The following CNTNAP5 variants were observed in gnomAD, a reference collection of about 807,000 sequenced individuals.
The protein encoded by CNTNAP5 is contactin-associated protein-like 5.
CNTNAP5 carries 72 observed loss-of-function variants against 150.2 expected under a neutral mutation model. The ratio of observed to expected loss-of-function variants is 0.48; its 90% CI spans 0.40 to 0.58. CNTNAP5 has a LOEUF of 0.58. Among genes scored for constraint, CNTNAP5 ranks in the 20% least tolerant of loss-of-function variants. CNTNAP5 has a pLI of 0.00. For synonymous variants in CNTNAP5, 672 were observed against 619.8 expected, an observed-to-expected ratio of 1.08 and a Z score of -1.25; for missense variants, 1,636 against 1,626.2, an observed-to-expected ratio of 1.01 and a Z score of -0.10.
intron 1 of CNTNAP5, among the ~76,000 whole-genome samples, chr2:124,067,935 G>A (rs73952585): frequency 0.018 from 2,676 of 152,102 alleles, 89 homozygotes; most frequent in African/African-American, 0.061. Flanking sequence ...AATAAAATTA[G>A]TGCATATAGC....
chr2:124,675,482 C>T (rs553918659), intron 13 of CNTNAP5, among the ~76,000 whole-genome samples: 1 of 152,090 alleles, frequency 6.6e-6, no homozygotes, highest in South Asian at 2.1e-4. Context: ...GACAGGATTC[C>T]CACTTGCCAT....
chr2:124,716,192 G>A (rs1024119612), intron 13 of CNTNAP5, among the ~76,000 whole-genome samples: 14 of 152,036 alleles, frequency 9.2e-5, no homozygotes, highest in African/African-American at 2.4e-4. Context: ...AAAATGATTC[G>A]TGCAAAGTAA....
At position 124,206,404 on chromosome 2, in the gene CNTNAP5, G is replaced by GCAA. The variant is rs373435829; in HGVS notation, c.83-15300_83-15298dup. Among the ~76,000 whole-genome samples, 805 of 152,332 alleles carry GCAA rather than the reference G, an allele frequency of 5.3e-3. 9 individuals carry two copies. The highest frequency in any genetic ancestry group is 0.018 in the African/African-American group (761 of 41,588). ...CTTACCTTGCAGGACATTTTGTGAT[G>GCAA]CAAAGGGAAACCCTTGTCAACATAA... On this transcript the variant is annotated intron_variant, in intron 1 of 23. Coordinates refer to ENST00000682447, the MANE Select transcript of CNTNAP5 (RefSeq NM_001367498.1).
At chr2:124,400,875 T>C (rs925424579) in intron 3 of CNTNAP5, among the ~76,000 whole-genome samples, 9 of 151,932 alleles carry the variant, frequency 5.9e-5, no homozygotes, top group Admixed American at 1.3e-4. Flanking sequence ...ACTTTTTTTT[T>C]ATTACTTTTT....
intron 3 of CNTNAP5, among the ~76,000 whole-genome samples, chr2:124,414,472 G>T (rs1251460596): frequency 6.6e-6 from 1 of 152,114 alleles, no homozygotes; most frequent in African/African-American, 2.4e-5. Context: ...GCTTGACCAT[G>T]AGCCTCTAAG....
intron 3 of CNTNAP5, among the ~76,000 whole-genome samples, chr2:124,356,275 T>C (rs1260216416): frequency 6.6e-6 from 1 of 152,044 alleles, no homozygotes; most frequent in African/African-American, 2.4e-5. Context: ...AAATATGCTT[T>C]GACAGATGTG....
At position 124,763,711 on chromosome 2, in the gene CNTNAP5, G is replaced by A. The variant is rs1364928621; in HGVS notation, c.2274G>A (p.Leu758=). The part of the protein sequence containing the change: ...DTGFLSFKDH[L]PVTQIVITDT... Reference sequence around the variant, plus strand: ...GCTTTCTTTCCTTCAAAGACCACTTGCCTGTCACTCAGATAGTTATCACTG... The same window carrying A: ...GCTTTCTTTCCTTCAAAGACCACTTACCTGTCACTCAGATAGTTATCACTG... The change falls in exon 15 of 24, where the codon TTG becomes TTA. Residue 758 remains leucine (L), a synonymous_variant. Transcript: ENST00000682447. 1.6e-5 allele frequency: 26 copies of A among 1,612,790 alleles called. No individual in the cohort carries two copies. The South Asian group carries it at 2.9e-4, about 18-fold the overall frequency.
At chr2:124,597,812 G>A (rs550339532) in intron 11 of CNTNAP5, among the ~76,000 whole-genome samples, 34 of 150,892 alleles carry the variant, frequency 2.3e-4, no homozygotes, top group African/African-American at 7.3e-4. Flanking sequence ...TTTTCACATA[G>A]TCCCATATTT....
intron 1 of CNTNAP5, among the ~76,000 whole-genome samples, chr2:124,049,593 C>T (rs1681636877): frequency 6.6e-6 from 1 of 152,154 alleles, no homozygotes; most frequent in African/African-American, 2.4e-5. Context: ...AATTTAAACA[C>T]AGGCTCTATC....
chr2:124,629,670 A>G (rs1249751672), intron 12 of CNTNAP5, among the ~76,000 whole-genome samples: 1 of 152,040 alleles, frequency 6.6e-6, no homozygotes, highest in Admixed American at 6.6e-5. Flanking sequence ...CCAGGAGCAA[A>G]CAAACCCCAG....
At chr2:124,462,073 T>C (rs1693269557) in intron 6 of CNTNAP5, among the ~76,000 whole-genome samples, 1 of 152,164 alleles carries the variant, frequency 6.6e-6, no homozygotes, top group African/African-American at 2.4e-5. Flanking sequence ...TATTATCTCC[T>C]ATATCACAAA....
At chr2:124,647,998 G>A in intron 13 of CNTNAP5, 40 bp downstream of exon 13, 1 of 1,536,464 alleles carries the variant, frequency 6.5e-7, no homozygotes. Flanking sequence ...GGATAGATGG[G>A]ACCCTCAGAC....
chr2:124,285,251 A>G (rs912410606), intron 3 of CNTNAP5, among the ~76,000 whole-genome samples: 2 of 152,102 alleles, frequency 1.3e-5, no homozygotes, highest in Non-Finnish European at 2.9e-5. Context: ...CTGGAGAATA[A>G]CTTTCATGAG....
chr2:124,253,912 A>G (rs1687245597), intron 3 of CNTNAP5, among the ~76,000 whole-genome samples: 1 of 151,860 alleles, frequency 6.6e-6, no homozygotes, highest in African/African-American at 2.4e-5. Flanking sequence ...GTTTCATTTG[A>G]GTCTCTTTTA....
At chr2:124,638,113 G>T (rs1333882094) in intron 12 of CNTNAP5, among the ~76,000 whole-genome samples, 1 of 151,184 alleles carries the variant, frequency 6.6e-6, no homozygotes, top group Admixed American at 6.6e-5. Flanking sequence ...AGTTCATAAG[G>T]TTATTTACAA....
chr2:124,532,665 A>G (rs1695137619), intron 10 of CNTNAP5, among the ~76,000 whole-genome samples: 1 of 152,236 alleles, frequency 6.6e-6, no homozygotes, highest in Admixed American at 6.5e-5. Flanking sequence ...TTTCAGAAGC[A>G]GCAGGACACA....
chr2:124,077,621 T>C (rs144566172), intron 1 of CNTNAP5, among the ~76,000 whole-genome samples: 1 of 152,320 alleles, frequency 6.6e-6, no homozygotes, highest in East Asian at 1.9e-4. Context: ...CAAAGTCCTT[T>C]CCCTTATTCT....
intron 1 of CNTNAP5, among the ~76,000 whole-genome samples, chr2:124,174,721 A>C (rs1685019885): frequency 6.6e-6 from 1 of 152,200 alleles, no homozygotes; most frequent in South Asian, 2.1e-4. Context: ...TTAGAATATG[A>C]ATTTGAGAGG....
chr2:124,444,751 G>A (rs1692769310), intron 5 of CNTNAP5, among the ~76,000 whole-genome samples: 1 of 152,152 alleles, frequency 6.6e-6, no homozygotes, highest in Non-Finnish European at 1.5e-5. Flanking sequence ...CGAGCTCCTG[G>A]CACTCAGCCG....
Sources: allele counts gnomAD v4.1 joint callset (sites outside exome capture counted in the v4.1 genomes callset), GRCh38; gene constraint gnomAD v4.1.1; transcripts MANE v1.5; gene names NCBI Gene and HGNC (gene_info 2026-07-23, HGNC 2026-07-21).